Variants in KCNJ5 observed in about 807,000 individuals in gnomAD.
KCNJ5 encodes G protein-activated inward rectifier potassium channel 4.
Under a neutral mutation model 20.2 loss-of-function variants are expected in KCNJ5, and 12 were observed. The observed-to-expected ratio is 0.59, with a 90% CI of 0.38 to 0.96. The LOEUF is 0.96. KCNJ5 is among the 40% of genes least tolerant of loss of function. The probability of loss-of-function intolerance (pLI) is 0.00; values close to 1 mark genes in which losing one functional copy is unlikely to be tolerated. For missense variants in KCNJ5, 449 were observed against 557.6 expected (o/e 0.81, Z 1.96); for synonymous variants, 210 against 213.9 (o/e 0.98, Z 0.16).
chr11:128,898,369 C>T (rs933841921), intron 1 of KCNJ5, among the ~76,000 whole-genome samples: 3 of 152,222 alleles, frequency 2.0e-5, no homozygotes, highest in African/African-American at 7.2e-5. Flanking sequence ...TTTGCTCTGC[C>T]ATGAACTAAT....
intron 1 of KCNJ5, among the ~76,000 whole-genome samples, chr11:128,895,718 C>T (rs983626510): frequency 6.6e-6 from 1 of 152,276 alleles, no homozygotes; most frequent in Admixed American, 6.5e-5. Context: ...TCTCAGACCA[C>T]TGCCTGGGGG....
rs754097187 is a variant in KCNJ5 at position 128,916,569 on chromosome 11, G to A, written c.1098G>A (p.Glu366=). The A allele has an allele frequency of 2.4e-5, 39 of 1,614,156 alleles. No homozygotes were observed. The highest frequency in any genetic ancestry group is 3.2e-5 in the Non-Finnish European group (38 of 1,180,018). Reference sequence around the variant, plus strand: ...ACACACCCAGCTGCTGTGCCAAGGAGCTGGCAGAAATGAAGAGGGAAGGCC... The same window carrying A: ...ACACACCCAGCTGCTGTGCCAAGGAACTGGCAGAAATGAAGAGGGAAGGCC... ...ETNTPSCCAK[E]LAEMKREGRL... Residue 366 remains glutamate (E), a synonymous_variant, in exon 3 of 3, where the codon GAG becomes GAA. Transcript: ENST00000529694.
rs1237737451 is a variant in KCNJ5, at chr11:128,911,350, C to A, written c.77C>A (p.Pro26Gln). 6.2e-7 allele frequency: 1 copy of A among 1,614,040 alleles called. No individual in the cohort carries two copies. Among genetic ancestry groups the A allele is most frequent in the Non-Finnish European group, 8.5e-7 (1 of 1,180,046 alleles). The change falls in exon 2 of 3, where the codon CCA (proline) becomes CAA (glutamine). Residue 26 changes from proline (P) to glutamine (Q), a missense_variant. Pro to Gln is a moderately conservative substitution (Grantham distance 76, BLOSUM62 -1). Transcript: ENST00000529694. The surrounding 1 kb of genome is among the most constrained non-coding windows in gnomAD (Gnocchi z 6.3). ...ACTCCCTGGGACCCCAAGAAGATTCCAAAACAGGCCCGCGATTATGTCCCC... is the reference window on the plus strand; with the variant it reads ...ACTCCCTGGGACCCCAAGAAGATTCAAAAACAGGCCCGCGATTATGTCCCC... ...GVTPWDPKKI[P>Q]KQARDYVPIA...
At chr11:128,902,766 C>T in intron 1 of KCNJ5, 6 of 1,537,912 alleles carry the variant, frequency 3.9e-6, no homozygotes, top group Non-Finnish European at 5.3e-6. Flanking sequence ...ACTACCACAA[C>T]TCTTAACAGC....
At chr11:128,916,244 AGATGGATGGATG>A (rs61176061) in intron 2 of KCNJ5, among the ~76,000 whole-genome samples, 153 bp from the exon 3 acceptor site, 2 of 129,288 alleles carry the variant, frequency 1.5e-5, no homozygotes, top group Non-Finnish European at 3.2e-5. Context: ...ATAGATGATT[AGATGGATGGATG>A]GATGGATGGA....
At chr11:128,906,393 G>T (rs764625374) in intron 1 of KCNJ5, among the ~76,000 whole-genome samples, 14 of 152,158 alleles carry the variant, frequency 9.2e-5, no homozygotes, top group Non-Finnish European at 1.8e-4. Flanking sequence ...GCTGGAAACA[G>T]CACCCACTTA....
chr11:128,914,103 AG>A (rs1316554882), intron 2 of KCNJ5, among the ~76,000 whole-genome samples: 1 of 152,194 alleles, frequency 6.6e-6, no homozygotes, highest in Non-Finnish European at 1.5e-5. Flanking sequence ...TTTCCCCCAC[AG>A]AGCTAGGGGC....
chr11:128,896,017 C>T (rs1944171488), intron 1 of KCNJ5, among the ~76,000 whole-genome samples: 1 of 152,354 alleles, frequency 6.6e-6, no homozygotes, highest in South Asian at 2.1e-4. Context: ...TTCAATCTCC[C>T]CTGACTCCTC....
At chr11:128,904,322 G>T in intron 1 of KCNJ5, 1 of 1,479,854 alleles carries the variant, frequency 6.8e-7, no homozygotes, top group Non-Finnish European at 9.2e-7. Flanking sequence ...CTGCACCCTG[G>T]CCTCTCTCTC....
rs72544301 is a variant in KCNJ5, at chr11:128,911,436, G to C, written c.163G>C (p.Glu55Gln). The C allele has an allele frequency of 6.2e-7, 1 of 1,614,124 alleles. No individual in the cohort carries two copies. The highest frequency in any genetic ancestry group is 1.3e-5 in the African/African-American group (1 of 74,948). ...CAAGAAGCCACGCCAGCGCTACATG[G>C]AGAAGAGTGGCAAGTGCAACGTGCA... is the stretch of plus-strand genomic sequence containing the variant. ...EGKKPRQRYM[E>Q]KSGKCNVHHG... The change falls in exon 2 of 3, where the codon GAG becomes CAG. Residue 55 changes from glutamate (E) to glutamine (Q), a missense_variant. Transcript: ENST00000529694. This position sits in a 1 kb window ranked among gnomAD's most constrained non-coding sequence, Gnocchi z 6.3.
At chr11:128,895,534 G>A (rs1267675218) in intron 1 of KCNJ5, among the ~76,000 whole-genome samples, 1 of 152,238 alleles carries the variant, frequency 6.6e-6, no homozygotes, top group Non-Finnish European at 1.5e-5. Context: ...CCAGCCCACT[G>A]GACATCACAG....
chr11:128,904,609 G>T (rs1944363654), intron 1 of KCNJ5: 2 of 793,936 alleles, frequency 2.5e-6, no homozygotes, highest in Non-Finnish European at 4.6e-6. Context: ...GGAAACCCCA[G>T]ACCTACAGAA....
At chr11:128,896,023 T>G (rs1244740154) in intron 1 of KCNJ5, among the ~76,000 whole-genome samples, 3 of 152,190 alleles carry the variant, frequency 2.0e-5, no homozygotes, top group South Asian at 2.1e-4. Context: ...CTCCCCTGAC[T>G]CCTCCTAGAC....
chr11:128,912,789 G>A (rs111536932), intron 2 of KCNJ5, among the ~76,000 whole-genome samples: 2,713 of 152,280 alleles, frequency 0.018, 82 homozygotes, highest in African/African-American at 0.06. Context: ...GATTACACGC[G>A]TGAGCCACAG....
At chr11:128,907,150 A>G (rs941562336) in intron 1 of KCNJ5, among the ~76,000 whole-genome samples, 2 of 152,162 alleles carry the variant, frequency 1.3e-5, no homozygotes, top group Non-Finnish European at 2.9e-5. Flanking sequence ...CTCTTCCTCC[A>G]ACTTCATCCC....
chr11:128,902,484 C>T, intron 1 of KCNJ5: 1 of 1,543,238 alleles, frequency 6.5e-7, no homozygotes, highest in Non-Finnish European at 8.8e-7. Context: ...CTTTAAGGAA[C>T]AGGGATGTCA....
Position 128,911,772 on chromosome 11 carries a change from C to T in KCNJ5, c.499C>T (p.Leu167Phe). The change falls in exon 2 of 3, where the codon CTC becomes TTC. Residue 167 changes from leucine to phenylalanine, a missense_variant. This residue lies in a region of KCNJ5 where 203 missense variants were observed against 258.0 expected (regional missense o/e 0.79). Transcript: ENST00000529694. This position sits in a 1 kb window ranked among gnomAD's most constrained non-coding sequence, Gnocchi z 6.3. ...ITEKCPEGII[L>F]LLVQAILGSI... The stretch of plus-strand genomic sequence containing the variant: ...AGAGAAGTGTCCAGAGGGGATTATA[C>T]TCCTCTTGGTCCAGGCCATCCTGGG... 1 of 1,614,198 alleles carries T rather than the reference C, an allele frequency of 6.2e-7. No individual in the cohort carries two copies. Among genetic ancestry groups the T allele is most frequent in the Non-Finnish European group, 8.5e-7 (1 of 1,180,042 alleles).
At position 128,906,965 on chromosome 11, in the gene KCNJ5, A is replaced by C. The variant is rs11823313; in HGVS notation, c.-10-4299A>C. On this transcript the variant is annotated intron_variant, in intron 1 of 2. Transcript: ENST00000529694. ...TCCCCAGCATGTATTCTGGTGTTACATTCAAGTGTAACACCTCGAATGCTT... is the reference window on the plus strand; with the variant it reads ...TCCCCAGCATGTATTCTGGTGTTACCTTCAAGTGTAACACCTCGAATGCTT... Among the ~76,000 whole-genome samples the C allele has an allele frequency of 2.4e-3, 367 of 152,276 alleles. 1 individual carries two copies. Among genetic ancestry groups the C allele is most frequent in the African/African-American group, 8.5e-3 (354 of 41,556 alleles).
At chr11:128,904,497 T>C in intron 1 of KCNJ5, 1 of 1,579,730 alleles carries the variant, frequency 6.3e-7, no homozygotes, top group Non-Finnish European at 8.7e-7. Flanking sequence ...TCCCAGCTGA[T>C]GGCAGCGTGC....
Sources: allele counts gnomAD v4.1 joint callset (sites outside exome capture counted in the v4.1 genomes callset), GRCh38; gene constraint gnomAD v4.1.1; regional missense constraint gnomAD v4.1.1; non-coding constraint Gnocchi (gnomAD v3.1); transcripts MANE v1.5; gene names NCBI Gene and HGNC (gene_info 2026-07-23, HGNC 2026-07-21).